ERICH3: variants seen among roughly 807,000 people sequenced by gnomAD.
The protein encoded by ERICH3 is glutamate rich 3.
In ERICH3, 126 loss-of-function variants were observed where a neutral mutation model predicts 131.1. That is an observed-to-expected ratio of 0.96 (90% CI 0.83 to 1.11). The LOEUF (loss-of-function observed/expected upper bound fraction) is 1.11. Ranked by LOEUF, ERICH3 falls within the 50% of genes most tolerant of loss-of-function variation. The pLI is 0.00. For missense variants in ERICH3, 2,050 were observed against 1,810.7 expected (o/e 1.13, Z -2.40); for synonymous variants, 695 against 644.6 (o/e 1.08, Z -1.18).
chr1:74,652,350 G>T (rs1191402879), intron 1 of ERICH3, among the ~76,000 whole-genome samples: 2 of 152,076 alleles, frequency 1.3e-5, no homozygotes, highest in East Asian at 3.9e-4. Context: ...GCCAGTGTCA[G>T]CTACACTGTG....
At chr1:74,586,720 A>C (rs1647347112) in intron 12 of ERICH3, among the ~76,000 whole-genome samples, 1 of 152,166 alleles carries the variant, frequency 6.6e-6, no homozygotes, top group Non-Finnish European at 1.5e-5. Context: ...AAATGGCTAA[A>C]TTATGAGAAA....
In ERICH3 at chr1:74,643,091, T is replaced by C; in HGVS notation, c.251A>G (p.His84Arg). ...FHKVLDMERY[H>R]QLEIKKKLET... ...CAATTTCTTTTTTATTTCAAGCTGA[T>C]GGTAACGCTAAGCATACAGGAAAGA... Residue 84 changes from histidine to arginine, a missense_variant, in exon 4 of 15, where the codon CAT becomes CGT. Coordinates refer to ENST00000326665, the MANE Select transcript of ERICH3 (RefSeq NM_001002912.5). 4 of 1,610,382 alleles carry C rather than the reference T, an allele frequency of 2.5e-6. No individual in the cohort carries two copies. The highest frequency in any genetic ancestry group is 3.4e-6 in the Non-Finnish European group (4 of 1,177,804).
intron 1 of ERICH3, among the ~76,000 whole-genome samples, chr1:74,651,460 C>A (rs762584786): frequency 6.6e-6 from 1 of 152,118 alleles, no homozygotes; most frequent in Non-Finnish European, 1.5e-5. Flanking sequence ...TTGAAACCAT[C>A]TTTTAAATGA....
intron 5 of ERICH3, among the ~76,000 whole-genome samples, chr1:74,640,254 C>T (rs1203198460): frequency 1.3e-5 from 2 of 152,072 alleles, no homozygotes; most frequent in Non-Finnish European, 2.9e-5. Context: ...TCAGGTTAAG[C>T]TTTTGAGAGT....
chr1:74,649,123 G>T (rs1570907056), intron 2 of ERICH3, 99 bp downstream of exon 2: 1 of 743,798 alleles, frequency 1.3e-6, no homozygotes, highest in East Asian at 2.7e-5. Flanking sequence ...TAAAATGAGG[G>T]CAAGTGGAAG....
rs1648028480 is a variant in ERICH3 at position 74,599,682 on chromosome 1, C to T, written c.1726+13G>A. The T allele has an allele frequency of 1.3e-6, 2 of 1,583,674 alleles. No homozygotes were observed. The highest frequency in any genetic ancestry group is 1.7e-6 in the Non-Finnish European group (2 of 1,162,886). ...TAAACAGCCTATGTTACATGATAAG[C>T]TGAACAACTCGCCTTGTTTATCCTC... On this transcript the variant is annotated intron_variant, in intron 11 of 14. Coordinates refer to ENST00000326665, the MANE Select transcript of ERICH3 (RefSeq NM_001002912.5).
At chr1:74,651,689 A>AG (rs2100644683) in intron 1 of ERICH3, among the ~76,000 whole-genome samples, 1 of 152,210 alleles carries the variant, frequency 6.6e-6, no homozygotes, top group East Asian at 1.9e-4. Flanking sequence ...TCTGTTTTTC[A>AG]GGCTCAAGTT....
intron 9 of ERICH3, among the ~76,000 whole-genome samples, chr1:74,610,639 C>T (rs989334768): frequency 7.2e-5 from 11 of 151,872 alleles, no homozygotes; most frequent in Non-Finnish European, 1.6e-4. Flanking sequence ...CTTCCTTGAA[C>T]CACTACATTC....
intron 1 of ERICH3, among the ~76,000 whole-genome samples, chr1:74,656,830 A>T (rs1646589285): frequency 6.6e-6 from 1 of 152,098 alleles, no homozygotes; most frequent in African/African-American, 2.4e-5. Context: ...AATTGTACCT[A>T]TCTCTTTCCT....
At chr1:74,632,371 C>T (rs1646347546) in intron 6 of ERICH3, among the ~76,000 whole-genome samples, 1 of 151,794 alleles carries the variant, frequency 6.6e-6, no homozygotes, top group Admixed American at 6.6e-5. Flanking sequence ...CTGGCATGTA[C>T]TGTTTAGCAT....
Position 74,599,771 on chromosome 1 carries a change from C to T in ERICH3, c.1650G>A (p.Lys550=), listed in dbSNP as rs571681961. 1.9e-6 allele frequency: 3 copies of T among 1,612,476 alleles called. No individual in the cohort carries two copies. The South Asian group carries it at 3.3e-5, about 18-fold the overall frequency. ...PEKESETSSQ[K]APDARDNVKD... is the part of the protein sequence containing the mutation. ...TCACATTGTCACGGGCATCTGGTGCCTTCTGTGATGAGGTTTCACTCTCTT... is the reference window on the plus strand; with the variant it reads ...TCACATTGTCACGGGCATCTGGTGCTTTCTGTGATGAGGTTTCACTCTCTT... Residue 550 remains lysine, a synonymous_variant, in exon 11 of 15, where the codon AAG becomes AAA. Transcript: ENST00000326665.
chr1:74,643,411 T>G (rs897093129), intron 3 of ERICH3, among the ~76,000 whole-genome samples: 1 of 152,230 alleles, frequency 6.6e-6, no homozygotes, highest in African/African-American at 2.4e-5. Flanking sequence ...TCTGAAAGAT[T>G]TTTTTTCCTT....
At chr1:74,666,759 T>G (rs1646696760) in intron 1 of ERICH3, among the ~76,000 whole-genome samples, 2 of 148,244 alleles carry the variant, frequency 1.3e-5, no homozygotes, top group South Asian at 4.6e-4. Context: ...TAGCACAACA[T>G]GCAAATATAC....
intron 7 of ERICH3, among the ~76,000 whole-genome samples, chr1:74,630,966 A>G (rs538251346): frequency 1.1e-3 from 170 of 152,122 alleles, no homozygotes; most frequent in African/African-American, 3.9e-3. Context: ...AGAGGTAAGG[A>G]CAGCTGCTGG....
intron 1 of ERICH3, among the ~76,000 whole-genome samples, chr1:74,662,829 G>T (rs1461565770): frequency 6.6e-6 from 1 of 152,032 alleles, no homozygotes; most frequent in Non-Finnish European, 1.5e-5. Context: ...ATTATACCAT[G>T]TTTTTAAAGA....
intron 10 of ERICH3, among the ~76,000 whole-genome samples, chr1:74,605,209 A>G (rs1044194249): frequency 6.6e-6 from 1 of 151,812 alleles, no homozygotes; most frequent in African/African-American, 2.4e-5. Flanking sequence ...CACCTTCTTC[A>G]CCTCTCTCAG....
chr1:74,584,057 T>C (rs1193430511), intron 12 of ERICH3, among the ~76,000 whole-genome samples: 1 of 152,188 alleles, frequency 6.6e-6, no homozygotes, highest in East Asian at 1.9e-4. Flanking sequence ...AGTATCCCTG[T>C]GCTTTCATCA....
chr1:74,582,662 A>G (rs1158713210), intron 12 of ERICH3, among the ~76,000 whole-genome samples: 1 of 152,208 alleles, frequency 6.6e-6, no homozygotes, highest in Non-Finnish European at 1.5e-5. Context: ...ATGAAAATTC[A>G]GGCCATCACA....
chr1:74,618,804 C>T (rs1482864356), intron 8 of ERICH3, among the ~76,000 whole-genome samples: 3 of 152,148 alleles, frequency 2.0e-5, no homozygotes, highest in Non-Finnish European at 2.9e-5. Context: ...AAAGGCAAGA[C>T]GAATTAACGA....
Sources: gnomAD v4.1 joint callset for allele counts (sites outside exome capture counted in the v4.1 genomes callset) on GRCh38, gnomAD v4.1.1 for gene constraint, MANE v1.5 for transcripts, NCBI Gene and HGNC (gene_info 2026-07-23, HGNC 2026-07-21) for gene names.